The following PPP2R2B variants were observed in gnomAD, a reference collection of about 807,000 sequenced individuals.
The protein encoded by PPP2R2B is protein phosphatase 2 regulatory subunit Bbeta, also known as serine/threonine-protein phosphatase 2A 55 kDa regulatory subunit B beta isoform.
A neutral mutation model predicts 46.0 loss-of-function variants in PPP2R2B; 5 were observed. The observed-to-expected ratio is 0.11, with a 90% CI of 0.06 to 0.23. PPP2R2B has a LOEUF of 0.23. PPP2R2B is among the 10% of genes least tolerant of loss of function. The pLI is 1.00. For synonymous variants in PPP2R2B, 215 were observed against 206.7 expected, an observed-to-expected ratio of 1.04 and a Z score of -0.34; for missense variants, 367 against 575.0, an observed-to-expected ratio of 0.64 and a Z score of 3.70.
upstream of PPP2R2B, chr5:147,056,196 G>C: frequency 1.1e-6 from 1 of 883,202 alleles, no homozygotes; most frequent in Non-Finnish European, 1.4e-6. Flanking sequence ...ATGAAACAAA[G>C]ACAGCATAGT....
intron 1 of PPP2R2B, among the ~76,000 whole-genome samples, chr5:147,026,529 T>A (rs1407976736): frequency 6.6e-6 from 1 of 152,188 alleles, no homozygotes; most frequent in Non-Finnish European, 1.5e-5. Context: ...TAGTTTCATG[T>A]GTATATATCT....
intron 1 of PPP2R2B, among the ~76,000 whole-genome samples, chr5:147,011,060 C>A (rs1030954760): frequency 6.6e-6 from 1 of 152,180 alleles, no homozygotes; most frequent in African/African-American, 2.4e-5. Context: ...CTTCCTGTGA[C>A]CTTTCTGGAT....
intron 8 of PPP2R2B, among the ~76,000 whole-genome samples, chr5:146,593,653 A>G (rs1770883314): frequency 6.6e-6 from 1 of 152,104 alleles, no homozygotes. Flanking sequence ...CCTGCAGGAG[A>G]TGAATGAGCC....
At chr5:146,642,416 A>C (rs542296320) in intron 6 of PPP2R2B, among the ~76,000 whole-genome samples, 1 of 152,342 alleles carries the variant, frequency 6.6e-6, no homozygotes, top group East Asian at 1.9e-4. Flanking sequence ...CCAAGTTTAG[A>C]AAAAGCTTTT....
intron 2 of PPP2R2B, among the ~76,000 whole-genome samples, chr5:146,813,477 G>A (rs1757750708): frequency 6.6e-6 from 1 of 152,156 alleles, no homozygotes; most frequent in African/African-American, 2.4e-5. Flanking sequence ...TCAAGTGGAA[G>A]CAACGCTTAG....
At chr5:147,046,791 T>C (rs1756565733) in intron 1 of PPP2R2B, among the ~76,000 whole-genome samples, 1 of 152,000 alleles carries the variant, frequency 6.6e-6, no homozygotes, top group African/African-American at 2.4e-5. Context: ...AGGATAATCA[T>C]CCTCCTGTGA....
At chr5:146,814,836 T>C (rs1023839363) in intron 2 of PPP2R2B, among the ~76,000 whole-genome samples, 1 of 152,188 alleles carries the variant, frequency 6.6e-6, no homozygotes, top group Non-Finnish European at 1.5e-5. Flanking sequence ...AAAGTCAAAC[T>C]GCGCACTTGA....
At chr5:146,662,593 T>C (rs1776736228) in intron 5 of PPP2R2B, among the ~76,000 whole-genome samples, 1 of 152,240 alleles carries the variant, frequency 6.6e-6, no homozygotes, top group African/African-American at 2.4e-5. Flanking sequence ...CCTCTAATAC[T>C]GTGAGAAATA....
chr5:146,764,238 G>A (rs1011469933), intron 2 of PPP2R2B, among the ~76,000 whole-genome samples: 6 of 152,044 alleles, frequency 3.9e-5, no homozygotes, highest in African/African-American at 1.2e-4. Context: ...GGGTGGGCAG[G>A]CACCAGATGA....
chr5:146,635,549 C>T (rs185950653), intron 7 of PPP2R2B, among the ~76,000 whole-genome samples: 10 of 152,358 alleles, frequency 6.6e-5, no homozygotes, highest in Non-Finnish European at 8.8e-5. Context: ...GTGTCAGCCA[C>T]ACTGGGCTAT....
intron 1 of PPP2R2B, among the ~76,000 whole-genome samples, chr5:146,887,068 A>G (rs1400342400): frequency 6.6e-6 from 1 of 152,046 alleles, no homozygotes; most frequent in Non-Finnish European, 1.5e-5. Context: ...AGTGAGGAAA[A>G]AAAGATGAAA....
chr5:146,954,186 G>A lies in PPP2R2B; in HGVS notation c.79+101479C>T, dbSNP rs116300832. Among the ~76,000 whole-genome samples, 940 of 148,248 alleles carry A rather than the reference G, an allele frequency of 6.3e-3. 11 individuals carry two copies. Among genetic ancestry groups the A allele is most frequent in the African/African-American group, 0.022 (891 of 39,906 alleles). ...CAGAGCCAGTCTCTCTCCCTCCTCC[G>A]AACCTCACTCCTGGAAGGTGTTTTC... is the stretch of plus-strand genomic sequence containing the variant. On this transcript the variant is annotated intron_variant, in intron 1 of 8. Transcript: ENST00000336640.
intron 7 of PPP2R2B, among the ~76,000 whole-genome samples, chr5:146,616,754 C>T (rs953516450): frequency 6.6e-6 from 1 of 152,172 alleles, no homozygotes; most frequent in Non-Finnish European, 1.5e-5. Context: ...AAAGGGAACA[C>T]TTGTACATTG....
intron 1 of PPP2R2B, among the ~76,000 whole-genome samples, chr5:146,955,924 G>A (rs1367610430): frequency 2.0e-5 from 3 of 151,466 alleles, no homozygotes; most frequent in Non-Finnish European, 4.4e-5. Context: ...GATTACAGAT[G>A]CCCACCACTG....
At position 146,976,933 on chromosome 5, in the gene PPP2R2B, G is replaced by A. The variant is rs553628274; in HGVS notation, c.79+78732C>T. On this transcript the variant is annotated intron_variant, in intron 1 of 8. Transcript: ENST00000336640. ...TAGAGATTAAAAGAACAGGATTGAC[G>A]TTTTATAGTATTTGGATATTTCTCT... 6.6e-5 allele frequency among the ~76,000 whole-genome samples: 10 copies of A among 152,172 alleles called. No individual in the cohort carries two copies. The South Asian group carries it at 8.3e-4, about 13-fold the overall frequency.
intron 2 of PPP2R2B, among the ~76,000 whole-genome samples, chr5:146,730,124 G>A (rs1021346305): frequency 6.6e-6 from 1 of 152,180 alleles, no homozygotes; most frequent in Non-Finnish European, 1.5e-5. Context: ...ACATCAGTGT[G>A]ACCTGGATAT....
intron 5 of PPP2R2B, among the ~76,000 whole-genome samples, chr5:146,687,591 T>G (rs989097150): frequency 2.6e-5 from 4 of 152,180 alleles, no homozygotes; most frequent in African/African-American, 7.2e-5. Flanking sequence ...ACGCTTGTAA[T>G]AGAAATGGTA....
chr5:146,604,971 G>A (rs1224959018), intron 7 of PPP2R2B, among the ~76,000 whole-genome samples: 2 of 152,034 alleles, frequency 1.3e-5, no homozygotes, highest in Non-Finnish European at 2.9e-5. Context: ...CTCTTCCTGT[G>A]CCCATCCAGG....
At chr5:146,908,525 ATT>A (rs60166631) in intron 1 of PPP2R2B, among the ~76,000 whole-genome samples, 24 of 142,978 alleles carry the variant, frequency 1.7e-4, no homozygotes, top group Non-Finnish European at 1.7e-4. Flanking sequence ...AAATTGTTAG[ATT>A]TTTTTTTTTT....
Sources: allele counts gnomAD v4.1 joint callset (sites outside exome capture counted in the v4.1 genomes callset), GRCh38; gene constraint gnomAD v4.1.1; transcripts MANE v1.5; gene names NCBI Gene and HGNC (gene_info 2026-07-23, HGNC 2026-07-21).